Variants in WDR7 observed in about 807,000 individuals in gnomAD.
WDR7 encodes WD repeat domain 7.
A neutral mutation model predicts 169.4 loss-of-function variants in WDR7; 46 were observed. The ratio of observed to expected loss-of-function variants is 0.27; its 90% confidence interval spans 0.21 to 0.35. WDR7 has a LOEUF of 0.35. WDR7 is among the 10% of genes least tolerant of loss of function. The probability of loss-of-function intolerance (pLI) is 1.00; values close to 1 mark genes in which losing one functional copy is unlikely to be tolerated. For missense variants in WDR7, 1,534 were observed against 1,859.3 expected (o/e 0.83, Z 3.22); for synonymous variants, 612 against 666.8 (o/e 0.92, Z 1.27).
At chr18:56,675,760 G>A (rs1192439991) in intron 2 of WDR7, among the ~76,000 whole-genome samples, 1 of 152,052 alleles carries the variant, frequency 6.6e-6, no homozygotes, top group African/African-American at 2.4e-5. Flanking sequence ...AGTGGCAAGA[G>A]TGGACATCCT....
chr18:56,831,300 T>C (rs1286743450), intron 20 of WDR7, among the ~76,000 whole-genome samples: 1 of 152,030 alleles, frequency 6.6e-6, no homozygotes, highest in East Asian at 1.9e-4. Context: ...GAGGGGATGC[T>C]AAAGGCAGGC....
intron 16 of WDR7, among the ~76,000 whole-genome samples, chr18:56,775,658 G>T (rs1443228190): frequency 6.6e-6 from 1 of 152,068 alleles, no homozygotes; most frequent in Non-Finnish European, 1.5e-5. Flanking sequence ...GCTTCTTAGG[G>T]TTTATGGAGT....
intron 19 of WDR7, among the ~76,000 whole-genome samples, chr18:56,783,171 AAAC>A (rs1158181509): frequency 1.3e-5 from 2 of 151,738 alleles, no homozygotes; most frequent in Non-Finnish European, 2.9e-5. Flanking sequence ...TTAAAAAAAA[AAAC>A]AAGGCATCTA....
intron 27 of WDR7, among the ~76,000 whole-genome samples, chr18:57,025,239 A>G (rs2048351351): frequency 6.6e-6 from 1 of 152,234 alleles, no homozygotes; most frequent in African/African-American, 2.4e-5. Context: ...TCCATAAAGA[A>G]TGAAAAATAC....
At chr18:56,756,541 G>A (rs779859463) in intron 14 of WDR7, 42 bp from the exon 15 acceptor site, 21 of 1,426,556 alleles carry the variant, frequency 1.5e-5, no homozygotes, top group Non-Finnish European at 2.0e-5. Context: ...ATGAAATTAA[G>A]CACTTTTAAT....
intron 26 of WDR7, among the ~76,000 whole-genome samples, chr18:56,998,650 G>A (rs2047932495): frequency 6.6e-6 from 1 of 152,156 alleles, no homozygotes; most frequent in South Asian, 2.1e-4. Flanking sequence ...GCCATCAAAT[G>A]ATACAATAAC....
chr18:56,728,110 A>G (rs2026500716), intron 13 of WDR7, among the ~76,000 whole-genome samples: 3 of 152,214 alleles, frequency 2.0e-5, no homozygotes, highest in African/African-American at 7.2e-5. Flanking sequence ...TTGGCAAGAA[A>G]ATCACTGACA....
intron 20 of WDR7, among the ~76,000 whole-genome samples, chr18:56,848,625 G>A (rs1440699443): frequency 2.0e-5 from 3 of 152,098 alleles, no homozygotes; most frequent in Admixed American, 2.0e-4. Context: ...CTTGAGTCAT[G>A]GGGGTGGATC....
intron 12 of WDR7, among the ~76,000 whole-genome samples, chr18:56,698,760 G>A (rs1053355174): frequency 6.6e-6 from 1 of 152,206 alleles, no homozygotes; most frequent in African/African-American, 2.4e-5. Context: ...CAAGCCAAAA[G>A]CGGTAGTTGG....
At position 57,007,002 on chromosome 18, in the gene WDR7, C is replaced by T. The variant is rs376054423; in HGVS notation, c.4165-13743C>T. ...CTAACTTTTTTTTTTTTTTTTGAGA[C>T]GGAATCTCGCTCTGTCACCCAGGCT... On this transcript the variant is annotated intron_variant, in intron 26 of 27. Coordinates refer to ENST00000254442, the MANE Select transcript of WDR7 (RefSeq NM_015285.3). Among the ~76,000 whole-genome samples, 390 of 145,342 alleles carry T rather than the reference C, an allele frequency of 2.7e-3. 3 individuals are homozygous for T. Among genetic ancestry groups the T allele is most frequent in the African/African-American group, 9.2e-3 (362 of 39,222 alleles).
chr18:56,769,978 G>A (rs956022122), intron 16 of WDR7, among the ~76,000 whole-genome samples: 1 of 152,022 alleles, frequency 6.6e-6, no homozygotes, highest in African/African-American at 2.4e-5. Context: ...AAAGGGTAGG[G>A]ACATTTTTTT....
chr18:56,749,749 G>C (rs2043759903), intron 14 of WDR7, among the ~76,000 whole-genome samples: 1 of 151,964 alleles, frequency 6.6e-6, no homozygotes, highest in Admixed American at 6.6e-5. Context: ...AATGGTGGAA[G>C]AGTACAATTA....
intron 19 of WDR7, among the ~76,000 whole-genome samples, chr18:56,803,597 G>A (rs899037202): frequency 2.6e-5 from 4 of 151,998 alleles, no homozygotes; most frequent in Non-Finnish European, 5.9e-5. Flanking sequence ...ATAAGTAAAT[G>A]GGTTCATGAA....
At chr18:56,747,290 C>G (rs1038920148) in intron 14 of WDR7, among the ~76,000 whole-genome samples, 1 of 152,148 alleles carries the variant, frequency 6.6e-6, no homozygotes, top group African/African-American at 2.4e-5. Context: ...ACTTATCTCT[C>G]ATCTTCAACT....
chr18:56,861,617 A>AT (rs143268945), intron 20 of WDR7, among the ~76,000 whole-genome samples: 1,810 of 150,600 alleles, frequency 0.012, 25 homozygotes, highest in Non-Finnish European at 0.016. Context: ...TTGTGGTTTC[A>AT]TTTTTTTTTC....
chr18:56,796,675 CACA>C, intron 19 of WDR7, among the ~76,000 whole-genome samples: 1 of 152,140 alleles, frequency 6.6e-6, no homozygotes, highest in African/African-American at 2.4e-5. Context: ...TGTAATAATA[CACA>C]AGAAGAAAAA....
At chr18:56,715,123 C>T (rs370503344) in intron 12 of WDR7, among the ~76,000 whole-genome samples, 12 of 152,050 alleles carry the variant, frequency 7.9e-5, no homozygotes, top group East Asian at 7.7e-4. Flanking sequence ...GTTGATAATG[C>T]GGAAGGTCAA....
chr18:56,734,215 G>C (rs946020352), intron 14 of WDR7, among the ~76,000 whole-genome samples: 5 of 152,058 alleles, frequency 3.3e-5, no homozygotes, highest in Non-Finnish European at 1.5e-5. Context: ...TGCCTTCTCT[G>C]TATTATCAGT....
At chr18:56,945,400 T>TGCCCTAGAATA in intron 25 of WDR7, among the ~76,000 whole-genome samples, 1 of 152,332 alleles carries the variant, frequency 6.6e-6, no homozygotes, top group African/African-American at 2.4e-5. Flanking sequence ...AGTCTGTAGC[T>TGCCCTAGAATA]GTCTGTAGGA....
Sources: allele counts gnomAD v4.1 joint callset (sites outside exome capture counted in the v4.1 genomes callset), GRCh38; gene constraint gnomAD v4.1.1; transcripts MANE v1.5; gene names NCBI Gene and HGNC (gene_info 2026-07-23, HGNC 2026-07-21).